Variants in ITGA1 observed in about 807,000 individuals in gnomAD.
The protein encoded by ITGA1 is integrin subunit alpha 1.
In ITGA1, 85 loss-of-function variants were observed where a neutral mutation model predicts 145.9. That is an observed-to-expected ratio of 0.58 (90% CI 0.49 to 0.70). The LOEUF is 0.70. ITGA1 is among the 30% of genes least tolerant of loss of function. The pLI, the probability that ITGA1 is intolerant of heterozygous loss-of-function variation, is 0.00. For missense variants in ITGA1, 1,351 were observed against 1,418.7 expected (o/e 0.95, Z 0.77); for synonymous variants, 520 against 495.3 (o/e 1.05, Z -0.66).
At chr5:52,937,377 T>A in intron 23 of ITGA1, 24 bp from the exon 24 acceptor site, 1 of 1,434,096 alleles carries the variant, frequency 7.0e-7, no homozygotes, top group Non-Finnish European at 9.8e-7. Context: ...GAAGAAAGAT[T>A]ACATTTCCAT....
At position 52,788,545 on chromosome 5, in the gene ITGA1, CTCAGGCCAGGCT is replaced by C; in HGVS notation, c.61+132_61+143del. On this transcript the variant is annotated intron_variant, in intron 1 of 28. Transcript: ENST00000282588. ...CATCCACTTTCGGGCATTCCAGGTA[CTCAGGCCAGGCT>C]ACGGGGCAGGCAGGAGTTTCGCGTT... 5 of 693,772 alleles carry C rather than the reference CTCAGGCCAGGCT, an allele frequency of 7.2e-6. No homozygotes were observed. The African/African-American group carries it at 9.5e-5, about 13-fold the overall frequency. The allele number at this position is 693,772 out of a possible 1,614,324, so 43.0% of individuals were successfully genotyped here.
At chr5:52,884,888 C>A (rs1750022891) in intron 7 of ITGA1, among the ~76,000 whole-genome samples, 1 of 152,128 alleles carries the variant, frequency 6.6e-6, no homozygotes, top group Admixed American at 6.5e-5. Flanking sequence ...ATGCAAACCT[C>A]CCACAGATTA....
chr5:52,886,929 C>G lies in ITGA1; in HGVS notation c.774-886C>G, dbSNP rs544870537. 2.4e-4 allele frequency among the ~76,000 whole-genome samples: 37 copies of G among 152,266 alleles called. No homozygotes were observed. The South Asian group carries it at 7.7e-3, about 32-fold the overall frequency. On this transcript the variant is annotated intron_variant, in intron 7 of 28. Transcript: ENST00000282588. ...GAGTAGCTGGGACTACAGGCGCCCG[C>G]CACCGCACCCGGCTAATTTTTTGTA...
At chr5:52,814,299 C>A (rs1827121) in intron 1 of ITGA1, among the ~76,000 whole-genome samples, 86,479 of 151,860 alleles carry the variant, frequency 0.57, 25,122 homozygotes, top group African/African-American at 0.66. Context: ...GGCATGCAAC[C>A]CCTCACCCAG....
At chr5:52,890,468 G>A (rs1042475736) in intron 8 of ITGA1, among the ~76,000 whole-genome samples, 6 of 152,182 alleles carry the variant, frequency 3.9e-5, no homozygotes, top group African/African-American at 9.7e-5. Context: ...AAGTGTGCAC[G>A]AAGTGAACAA....
At chr5:52,940,984 A>G (rs1017046781) in intron 26 of ITGA1, among the ~76,000 whole-genome samples, 1 of 152,116 alleles carries the variant, frequency 6.6e-6, no homozygotes, top group Non-Finnish European at 1.5e-5. Flanking sequence ...CTTTATATCC[A>G]TGAGTACCCA....
In ITGA1 at chr5:52,911,629, A is replaced by ACACTATACATATAGTGTATC. The variant is rs1409192351; in HGVS notation, c.1857+1210_1857+1211insCACTATACATATAGTGTATC. ...TATATATATAGTGTATCTACTATAT[A>ACACTATACATATAGTGTATC]TACTATATATAGTGTATCTACTATA... On this transcript the variant is annotated intron_variant, in intron 14 of 28. Coordinates refer to ENST00000282588, the MANE Select transcript of ITGA1 (RefSeq NM_181501.2). 5.9e-4 allele frequency among the ~76,000 whole-genome samples: 56 copies of ACACTATACATATAGTGTATC among 94,454 alleles called. 5 individuals are homozygous for ACACTATACATATAGTGTATC. The highest frequency in any genetic ancestry group is 1.1e-3 in the Admixed American group (9 of 8,256). The allele number at this position is 94,454 out of a possible 152,430, so 62.0% of individuals were successfully genotyped here. A position where few individuals can be genotyped will look rare whatever the true frequency, so the allele number is the denominator to read the frequency against.
intron 14 of ITGA1, among the ~76,000 whole-genome samples, chr5:52,913,906 C>T (rs1750604365): frequency 1.3e-5 from 2 of 152,050 alleles, no homozygotes; most frequent in Admixed American, 6.6e-5. Context: ...TGTTGAAAAT[C>T]TTTATGGCAT....
chr5:52,920,247 C>T (rs1750710897), intron 16 of ITGA1, 85 bp from the exon 17 acceptor site: 1 of 1,054,548 alleles, frequency 9.5e-7, no homozygotes. Flanking sequence ...AGAGATTTTT[C>T]TATAATGCTA....
At chr5:52,808,579 C>T (rs1748632705) in intron 1 of ITGA1, among the ~76,000 whole-genome samples, 1 of 150,808 alleles carries the variant, frequency 6.6e-6, no homozygotes, top group Non-Finnish European at 1.5e-5. Context: ...TGTTTCAGCT[C>T]ATTTGATCTG....
chr5:52,800,851 A>G (rs1367243812), intron 1 of ITGA1: 1 of 1,607,904 alleles, frequency 6.2e-7, no homozygotes, highest in Non-Finnish European at 8.5e-7. Flanking sequence ...CTGCTTAGTC[A>G]CTCCCAGCAT....
At chr5:52,946,125 A>T (rs1343267998) in intron 27 of ITGA1, among the ~76,000 whole-genome samples, 2 of 152,240 alleles carry the variant, frequency 1.3e-5, no homozygotes, top group African/African-American at 4.8e-5. Context: ...ATCTATATTG[A>T]TAAAATTACT....
Position 52,788,383 on chromosome 5 carries a change from G to A in ITGA1, c.30G>A (p.Gly10=), listed in dbSNP as rs1748167849. 1.3e-6 allele frequency: 2 copies of A among 1,512,562 alleles called. No individual in the cohort carries two copies. The highest frequency in any genetic ancestry group is 1.8e-6 in the Non-Finnish European group (2 of 1,133,978). The allele number at this position is 1,512,562 out of a possible 1,614,324, so 93.7% of individuals were successfully genotyped here. A position where few individuals can be genotyped will look rare whatever the true frequency, so the allele number is the denominator to read the frequency against. The change falls in exon 1 of 29, where the codon GGG becomes GGA. Residue 10 remains glycine (G), a synonymous_variant. Transcript: ENST00000282588. ...CCCCTCGGCCCCGCGCCCGCCCAGG[G>A]GTCGCTGTCGCCTGCTGCTGGCTCC... MAPRPRARP[G]VAVACCWLLT... is the part of the protein sequence containing the mutation.
At chr5:52,861,361 C>A in intron 2 of ITGA1, 86 bp from the exon 3 acceptor site, 3 of 776,476 alleles carry the variant, frequency 3.9e-6, no homozygotes, top group South Asian at 3.3e-5. Context: ...GTGTTATTGT[C>A]AATTATCTTA....
chr5:52,920,890 TG>T (rs1750720512), intron 17 of ITGA1, among the ~76,000 whole-genome samples: 1 of 152,224 alleles, frequency 6.6e-6, no homozygotes, highest in African/African-American at 2.4e-5. Flanking sequence ...GTATGCTTTC[TG>T]GGATCCATGT....
At chr5:52,949,745 T>G (rs1235196314) in intron 28 of ITGA1, among the ~76,000 whole-genome samples, 1 of 152,180 alleles carries the variant, frequency 6.6e-6, no homozygotes, top group Non-Finnish European at 1.5e-5. Flanking sequence ...GGTAGTTCCA[T>G]TATATCAAGA....
intron 2 of ITGA1, among the ~76,000 whole-genome samples, chr5:52,854,849 TTCTC>T (rs1001088707): frequency 2.0e-5 from 3 of 152,172 alleles, no homozygotes; most frequent in African/African-American, 7.2e-5. Context: ...AGAAAAGTGT[TTCTC>T]TCACTTTGAT....
In ITGA1 at chr5:52,861,480, C is replaced by A. The variant is rs771137105; in HGVS notation, c.216C>A (p.Pro72=). 2.3e-5 allele frequency: 37 copies of A among 1,613,358 alleles called. No homozygotes were observed. The highest frequency in any genetic ancestry group is 3.1e-5 in the Non-Finnish European group (36 of 1,179,672). ...TTGGTTCTCCGTTAGTTGGCCAACC[C>A]AAAAACAGAACTGGAGATGTCTATA... is the stretch of plus-strand genomic sequence containing the variant. ...VLIGSPLVGQ[P]KNRTGDVYKC... Residue 72 remains proline, a synonymous_variant, in exon 3 of 29, where the codon CCC becomes CCA. Coordinates refer to ENST00000282588, the MANE Select transcript of ITGA1 (RefSeq NM_181501.2).
intron 6 of ITGA1, among the ~76,000 whole-genome samples, chr5:52,870,492 C>G (rs1749761582): frequency 6.6e-6 from 1 of 152,154 alleles, no homozygotes; most frequent in Non-Finnish European, 1.5e-5. Context: ...AGAGCCTACT[C>G]AGAAAGGCTT....
Sources: allele counts gnomAD v4.1 joint callset (sites outside exome capture counted in the v4.1 genomes callset), GRCh38; gene constraint gnomAD v4.1.1; transcripts MANE v1.5; gene names NCBI Gene and HGNC (gene_info 2026-07-23, HGNC 2026-07-21).